The following GRAMD2B variants were observed in gnomAD, a reference collection of about 807,000 sequenced individuals.
GRAMD2B encodes GRAM domain containing 2B, also known as GRAM domain-containing protein 2B.
In GRAMD2B, 41 loss-of-function variants were observed where a neutral mutation model predicts 59.2. That is an observed-to-expected ratio of 0.69 (90% confidence interval 0.54 to 0.90). The LOEUF is 0.90. Among genes scored for constraint, GRAMD2B ranks in the 40% least tolerant of loss-of-function variants. GRAMD2B has a pLI of 0.00. For missense variants in GRAMD2B, 424 were observed against 500.5 expected, an observed-to-expected ratio of 0.85 and a Z score of 1.46; for synonymous variants, 161 against 182.7, an observed-to-expected ratio of 0.88 and a Z score of 0.96.
At chr5:126,399,466 A>C (rs926459465) in intron 1 of GRAMD2B, among the ~76,000 whole-genome samples, 1 of 152,102 alleles carries the variant, frequency 6.6e-6, no homozygotes, top group Admixed American at 6.5e-5. Context: ...GTGAGTTCTC[A>C]CAAGTTTAAA....
chr5:126,413,016 G>T (rs1758952689), intron 1 of GRAMD2B, among the ~76,000 whole-genome samples: 2 of 151,880 alleles, frequency 1.3e-5, no homozygotes, highest in African/African-American at 4.8e-5. Flanking sequence ...TATTAATCTA[G>T]CTAGCAGTTT....
intron 1 of GRAMD2B, among the ~76,000 whole-genome samples, chr5:126,435,090 C>G (rs142007527): frequency 6.6e-6 from 1 of 152,316 alleles, no homozygotes; most frequent in Non-Finnish European, 1.5e-5. Context: ...AGTAATTCAG[C>G]AAGCAGTTAC....
At chr5:126,471,762 C>G (rs1380179153) in intron 3 of GRAMD2B, among the ~76,000 whole-genome samples, 1 of 152,106 alleles carries the variant, frequency 6.6e-6, no homozygotes, top group African/African-American at 2.4e-5. Flanking sequence ...AACCAAGGCC[C>G]AGGGAGATTA....
At chr5:126,419,535 C>A (rs1759539614), upstream of GRAMD2B, among the ~76,000 whole-genome samples, 3 of 152,106 alleles carry the variant, frequency 2.0e-5, no homozygotes, top group Non-Finnish European at 2.9e-5. Context: ...AACCATATCA[C>A]CTTGCAACCA....
intron 1 of GRAMD2B, 100 bp from the exon 2 acceptor site, chr5:126,465,326 A>T (rs1366333050): frequency 3.6e-5 from 56 of 1,576,236 alleles, no homozygotes; most frequent in Non-Finnish European, 4.6e-5. Flanking sequence ...TGAGGAATGA[A>T]AATCATTCCA....
At chr5:126,483,667 GA>G (rs1284070600) in intron 9 of GRAMD2B, 93 bp downstream of exon 9, 3 of 663,440 alleles carry the variant, frequency 4.5e-6, no homozygotes, top group Non-Finnish European at 7.5e-6. Context: ...AGAAAAGAAA[GA>G]AAAAAACCCA....
chr5:126,449,957 C>G (rs62391857), intron 1 of GRAMD2B, among the ~76,000 whole-genome samples: 16,682 of 152,090 alleles, frequency 0.11, 930 homozygotes, highest in Middle Eastern at 0.15. Context: ...AGAAACAAAG[C>G]GACAGGTTTC....
At chr5:126,423,251 T>A (rs1483867608), upstream of GRAMD2B, 3 of 1,104,674 alleles carry the variant, frequency 2.7e-6, no homozygotes, top group Non-Finnish European at 3.3e-6. Context: ...CTTAGGCAAA[T>A]GTTCCACCTG....
At chr5:126,372,049 A>G (rs1359429419) in intron 1 of GRAMD2B, among the ~76,000 whole-genome samples, 2 of 152,202 alleles carry the variant, frequency 1.3e-5, no homozygotes, top group Non-Finnish European at 2.9e-5. Flanking sequence ...TACTTACTGC[A>G]TAGTGATTTA....
At chr5:126,442,265 C>G (rs1006089056) in intron 1 of GRAMD2B, among the ~76,000 whole-genome samples, 3 of 151,260 alleles carry the variant, frequency 2.0e-5, no homozygotes, top group Non-Finnish European at 2.9e-5. Flanking sequence ...AAACCCCTCC[C>G]TAAAATGCTT....
At chr5:126,466,904 CT>C (rs149154246) in intron 2 of GRAMD2B, among the ~76,000 whole-genome samples, 194 of 152,302 alleles carry the variant, frequency 1.3e-3, no homozygotes, top group African/African-American at 4.5e-3. Flanking sequence ...GGCATGCTTG[CT>C]AAACTTCATG....
At chr5:126,486,320 G>A (rs1772905293) in intron 11 of GRAMD2B, among the ~76,000 whole-genome samples, 1 of 152,176 alleles carries the variant, frequency 6.6e-6, no homozygotes, top group Admixed American at 6.5e-5. Context: ...TTTGCCATCT[G>A]TCCCATGTCC....
At chr5:126,451,216 C>T (rs947539059) in intron 1 of GRAMD2B, among the ~76,000 whole-genome samples, 3 of 152,266 alleles carry the variant, frequency 2.0e-5, no homozygotes, top group African/African-American at 4.8e-5. Flanking sequence ...TGATCTTGAA[C>T]TTCCAGCCTC....
upstream of GRAMD2B, among the ~76,000 whole-genome samples, chr5:126,419,280 G>A (rs527481770): frequency 2.4e-4 from 36 of 152,220 alleles, no homozygotes; most frequent in Non-Finnish European, 4.0e-4. Flanking sequence ...CAAAGGGGAA[G>A]CAAGCACCAT....
intron 8 of GRAMD2B, among the ~76,000 whole-genome samples, chr5:126,481,204 AAAGAAAGAAAGAAAGAAAG>A (rs1478348555): frequency 3.5e-4 from 1 of 2,892 alleles, no homozygotes; most frequent in Non-Finnish European, 8.5e-4. Flanking sequence ...AAAAAAAAAA[AAAGAAAGAAAGAAAGAAAG>A]AAAGAAAGAA....
intron 2 of GRAMD2B, among the ~76,000 whole-genome samples, chr5:126,467,011 C>T (rs986497643): frequency 6.6e-6 from 1 of 152,086 alleles, no homozygotes; most frequent in African/African-American, 2.4e-5. Flanking sequence ...GTAAGGGGGC[C>T]AGGCACGGTG....
At chr5:126,434,536 G>A (rs911940853) in intron 1 of GRAMD2B, among the ~76,000 whole-genome samples, 3 of 138,880 alleles carry the variant, frequency 2.2e-5, no homozygotes, top group Middle Eastern at 3.2e-3. Flanking sequence ...ATTTTTTTTT[G>A]AGATGGAGTC....
chr5:126,423,338 G>C (rs1415878782), upstream of GRAMD2B: 1 of 1,308,234 alleles, frequency 7.6e-7, no homozygotes, highest in African/African-American at 1.6e-5. Context: ...CCTGGGTTGG[G>C]GAAAGAGGCT....
chr5:126,419,721 C>T (rs1420936801), upstream of GRAMD2B, among the ~76,000 whole-genome samples: 1 of 152,118 alleles, frequency 6.6e-6, no homozygotes. Flanking sequence ...GCATCTTCTA[C>T]CAAAGTGGTT....
Sources: allele counts gnomAD v4.1 joint callset (sites outside exome capture counted in the v4.1 genomes callset), GRCh38; gene constraint gnomAD v4.1.1; transcripts MANE v1.5; gene names NCBI Gene and HGNC (gene_info 2026-07-23, HGNC 2026-07-21).